Variants in CASZ1 observed in about 807,000 individuals in gnomAD.
The protein encoded by CASZ1 is zinc finger protein castor homolog 1.
CASZ1 carries 28 observed loss-of-function variants against 135.2 expected under a neutral mutation model. That is an observed-to-expected ratio of 0.21 (90% CI 0.15 to 0.28). The LOEUF (loss-of-function observed/expected upper bound fraction) is 0.28. Ranked by LOEUF, CASZ1 falls within the 10% of genes least tolerant of loss-of-function variation. CASZ1 has a pLI of 1.00. For synonymous variants in CASZ1, 1,068 were observed against 1,073.4 expected (o/e 0.99, Z 0.10); for missense variants, 2,161 against 2,453.3 (o/e 0.88, Z 2.52).
chr1:10,694,951 G>A lies in CASZ1; in HGVS notation c.-23-1039C>T, dbSNP rs1638896063. Among the ~76,000 whole-genome samples the A allele has an allele frequency of 7.0e-6, 1 of 143,254 alleles. No individual in the cohort carries two copies. 94.0% of individuals were successfully genotyped at this position (143,254 alleles called of 152,430 possible). On this transcript the variant is annotated intron_variant, in intron 3 of 20. Coordinates refer to ENST00000377022, the MANE Select transcript of CASZ1 (RefSeq NM_001079843.3). This position sits in a 1 kb window ranked among gnomAD's most constrained non-coding sequence, Gnocchi z 6.6. Reference sequence around the variant, plus strand: ...CCGCTCGGGCCCCGCGAGCGCGACCGACGGCCGCCGCGCGCGCCTGCCCCA... The same window carrying A: ...CCGCTCGGGCCCCGCGAGCGCGACCAACGGCCGCCGCGCGCGCCTGCCCCA...
rs1429390945 is a variant in CASZ1 at position 10,659,827 on chromosome 1, A to G, written c.1215T>C (p.Ser405=). ...GCCCTGGCCCGGGGGCGCTGGGGGC[A>G]CTGGGCACGCTGGCGAGGGGTGCGG... ...LAPAPLASVP[S]APSAPGPGPE... is the part of the protein sequence containing the mutation. Residue 405 remains serine (S), a synonymous_variant, in exon 6 of 21, where the codon AGT becomes AGC. Coordinates refer to ENST00000377022, the MANE Select transcript of CASZ1 (RefSeq NM_001079843.3). 1 of 1,612,750 alleles carries G rather than the reference A, an allele frequency of 6.2e-7. No individual in the cohort carries two copies. The highest frequency in any genetic ancestry group is 1.7e-5 in the Admixed American group (1 of 59,968).
rs1639921162 is a variant in CASZ1, at chr1:10,741,467, T to C, written c.-77+19234A>G. On this transcript the variant is annotated intron_variant, in intron 2 of 20. Transcript: ENST00000377022. This position sits in a 1 kb window ranked among gnomAD's most constrained non-coding sequence, Gnocchi z 5.0. The stretch of plus-strand genomic sequence containing the variant: ...GCTGAGGGTGCTCAGCGCACACAGC[T>C]CTCCAGTAAAGATGAGCATGGGCAG... Among the ~76,000 whole-genome samples the C allele has an allele frequency of 6.6e-6, 1 of 151,876 alleles. No individual in the cohort carries two copies. The highest frequency in any genetic ancestry group is 1.5e-5 in the Non-Finnish European group (1 of 67,966).
intron 1 of CASZ1, among the ~76,000 whole-genome samples, chr1:10,775,987 T>C (rs1342304664): frequency 1.3e-5 from 2 of 152,170 alleles, no homozygotes; most frequent in Non-Finnish European, 2.9e-5. Flanking sequence ...GGAACCTCTG[T>C]CAGGGCTCCC....
intron 1 of CASZ1, among the ~76,000 whole-genome samples, chr1:10,771,434 G>C (rs571548500): frequency 6.6e-6 from 1 of 151,770 alleles, no homozygotes; most frequent in Non-Finnish European, 1.5e-5. Flanking sequence ...TTGGTTTCGG[G>C]TACTTCTAGT....
In CASZ1 at chr1:10,638,884, G is replaced by T. The variant is rs1317313926; in HGVS notation, c.*58C>A. ...CTGCCCAGGGGCCGCTTCGCGCGGGGCGGCGCCGCTCCCGAGGCCGAGGCC... is the reference window on the plus strand; with the variant it reads ...CTGCCCAGGGGCCGCTTCGCGCGGGTCGGCGCCGCTCCCGAGGCCGAGGCC... On this transcript the variant is annotated 3_prime_UTR_variant, in exon 21 of 21. Coordinates refer to ENST00000377022, the MANE Select transcript of CASZ1 (RefSeq NM_001079843.3). The surrounding 1 kb of genome is among the most constrained non-coding windows in gnomAD (Gnocchi z 5.9). 8.2e-6 allele frequency: 8 copies of T among 981,526 alleles called. No individual in the cohort carries two copies. The highest frequency in any genetic ancestry group is 9.7e-6 in the Non-Finnish European group (8 of 828,642). 60.8% of individuals were successfully genotyped at this position (981,526 alleles called of 1,614,324 possible). A position where few individuals can be genotyped will look rare whatever the true frequency, so the allele number is the denominator to read the frequency against.
At chr1:10,648,318 C>T (rs997400280) in intron 15 of CASZ1, 179 bp from the exon 16 acceptor site, 10 of 529,818 alleles carry the variant, frequency 1.9e-5, no homozygotes, top group Admixed American at 7.3e-5. Flanking sequence ...CAAACTGCAG[C>T]GTCCCCTGGT....
intron 1 of CASZ1, among the ~76,000 whole-genome samples, chr1:10,790,518 A>G (rs945477488): frequency 6.6e-6 from 1 of 151,762 alleles, no homozygotes; most frequent in Admixed American, 6.6e-5. Context: ...CTCAATTACA[A>G]CTCCGCTGGA....
Position 10,674,905 on chromosome 1 carries a change from G to T in CASZ1, c.17-9334C>A, listed in dbSNP as rs150156927. Reference sequence around the variant, plus strand: ...GTGGGCAGCCCAAGAAGGTCCCCATGGGTCCCTGGGCCCTCTGTCGTGGCA... The same window carrying T: ...GTGGGCAGCCCAAGAAGGTCCCCATTGGTCCCTGGGCCCTCTGTCGTGGCA... On this transcript the variant is annotated intron_variant, in intron 4 of 20. Coordinates refer to ENST00000377022, the MANE Select transcript of CASZ1 (RefSeq NM_001079843.3). Among the ~76,000 whole-genome samples the T allele has an allele frequency of 5.6e-3, 860 of 152,328 alleles. 11 individuals are homozygous for T. Among genetic ancestry groups the T allele is most frequent in the African/African-American group, 0.019 (809 of 41,564 alleles).
rs1459790729 is a variant in CASZ1 at position 10,699,395 on chromosome 1, TA to T, written c.-23-5484del. On this transcript the variant is annotated intron_variant, in intron 3 of 20. Coordinates refer to ENST00000377022, the MANE Select transcript of CASZ1 (RefSeq NM_001079843.3). This position sits in a 1 kb window ranked among gnomAD's most constrained non-coding sequence, Gnocchi z 4.6. ...CCCCCACATCCCACTTACCCTGCTC[TA>T]AAAGGTGCTCTCAGAGTCAGTAGAG... Among the ~76,000 whole-genome samples the T allele has an allele frequency of 2.0e-5, 3 of 152,146 alleles. No homozygotes were observed. Among genetic ancestry groups the T allele is most frequent in the Non-Finnish European group, 2.9e-5 (2 of 68,014 alleles).
Position 10,700,080 on chromosome 1 carries a change from G to GACACACACACACACACACAC in CASZ1, c.-24+5392_-24+5411dup, listed in dbSNP as rs572824153. On this transcript the variant is annotated intron_variant, in intron 3 of 20. Transcript: ENST00000377022. The surrounding 1 kb of genome is among the most constrained non-coding windows in gnomAD (Gnocchi z 4.2). ...AGACAGAGAGAGAAAGAGAGATAGA[G>GACACACACACACACACACAC]ACACACACACACACACACACACACA... 0.051 allele frequency among the ~76,000 whole-genome samples: 6,768 copies of GACACACACACACACACACAC among 133,810 alleles called. 252 individuals carry two copies. The highest frequency in any genetic ancestry group is 0.055 in the South Asian group (215 of 3,906). The allele number at this position is 133,810 out of a possible 152,430, so 87.8% of individuals were successfully genotyped here. A position where few individuals can be genotyped will look rare whatever the true frequency, so the allele number is the denominator to read the frequency against.
In CASZ1 at chr1:10,639,374, C is replaced by T. The variant is rs2124662084; in HGVS notation, c.4848G>A (p.Leu1616=). Residue 1616 remains leucine (L), a synonymous_variant, in exon 21 of 21, where the codon CTG becomes CTA. Transcript: ENST00000377022. The surrounding 1 kb of genome is among the most constrained non-coding windows in gnomAD (Gnocchi z 4.0). ...CGGCGCCCAGCGACAGGGAGCCGTC[C>T]AGACTGATGGGAGGCCCGGGCGCGG... The part of the protein sequence containing the change: ...EGPAPGPPIS[L]DGSLSLGAEP... 1 of 1,540,700 alleles carries T rather than the reference C, an allele frequency of 6.5e-7. No homozygotes were observed. Among genetic ancestry groups the T allele is most frequent in the Non-Finnish European group, 8.7e-7 (1 of 1,144,508 alleles).
intron 7 of CASZ1, 128 bp from the exon 8 acceptor site, chr1:10,656,864 G>A (rs544503428): frequency 2.5e-5 from 16 of 651,606 alleles, no homozygotes; most frequent in Middle Eastern, 8.0e-4. Flanking sequence ...AAGTTGCAGA[G>A]GCCCAGGCAA....
At chr1:10,778,745 G>A (rs910387126) in intron 1 of CASZ1, among the ~76,000 whole-genome samples, 5 of 152,136 alleles carry the variant, frequency 3.3e-5, no homozygotes, top group African/African-American at 1.2e-4. Flanking sequence ...AAGTCCCCCT[G>A]GCAGAGAGCG....
chr1:10,762,713 T>A lies in CASZ1; in HGVS notation c.-233-1856A>T, dbSNP rs1640400647. ...GAGGCTGACATGCCCCTCTTCCAGCTTTGTAAAACAGACATGTACATTCCC... is the reference window on the plus strand; with the variant it reads ...GAGGCTGACATGCCCCTCTTCCAGCATTGTAAAACAGACATGTACATTCCC... On this transcript the variant is annotated intron_variant, in intron 1 of 20. Coordinates refer to ENST00000377022, the MANE Select transcript of CASZ1 (RefSeq NM_001079843.3). The surrounding 1 kb of genome is among the most constrained non-coding windows in gnomAD (Gnocchi z 4.1). 6.6e-6 allele frequency among the ~76,000 whole-genome samples: 1 copy of A among 152,156 alleles called. No homozygotes were observed. Among genetic ancestry groups the A allele is most frequent in the Non-Finnish European group, 1.5e-5 (1 of 68,038 alleles).
rs1374320576 is a variant in CASZ1, at chr1:10,712,794, T to C, written c.-76-7250A>G. Among the ~76,000 whole-genome samples the C allele has an allele frequency of 2.0e-5, 3 of 152,206 alleles. No individual in the cohort carries two copies. The East Asian group carries it at 5.8e-4, about 29-fold the overall frequency. The stretch of plus-strand genomic sequence containing the variant: ...CGGCACACACACAGCGCTTCTCCTG[T>C]GCGGATCCCAATACACACGGCCCAG... On this transcript the variant is annotated intron_variant, in intron 2 of 20. Transcript: ENST00000377022.
Position 10,755,634 on chromosome 1 carries a change from G to A in CASZ1, c.-77+5067C>T, listed in dbSNP as rs900706082. On this transcript the variant is annotated intron_variant, in intron 2 of 20. Coordinates refer to ENST00000377022, the MANE Select transcript of CASZ1 (RefSeq NM_001079843.3). The surrounding 1 kb of genome is among the most constrained non-coding windows in gnomAD (Gnocchi z 4.3). ...TGCGGGGTTTTCCTGCATCTGCTCC[G>A]AAGGCAGGGGGTGTGGGGAGAACGG... Among the ~76,000 whole-genome samples the A allele has an allele frequency of 2.2e-4, 33 of 152,136 alleles. No homozygotes were observed. The highest frequency in any genetic ancestry group is 7.2e-4 in the African/African-American group (30 of 41,440).
intron 1 of CASZ1, among the ~76,000 whole-genome samples, chr1:10,771,663 C>CTCCTCCTCCTCCTCCTCT (rs1321870078): frequency 1.3e-5 from 2 of 150,892 alleles, no homozygotes; most frequent in South Asian, 2.1e-4. Context: ...CTCTTTCCTC[C>CTCCTCCTCCTCCTCCTCT]TCCTCCTCCT....
At chr1:10,745,719 C>A (rs1429595654) in intron 2 of CASZ1, among the ~76,000 whole-genome samples, 1 of 152,206 alleles carries the variant, frequency 6.6e-6, no homozygotes, top group Non-Finnish European at 1.5e-5. Context: ...GCTCTGTCCC[C>A]TCTAAGCCAA....
Position 10,709,645 on chromosome 1 carries a change from A to T in CASZ1, c.-76-4101T>A, listed in dbSNP as rs1639246891. 6.6e-6 allele frequency among the ~76,000 whole-genome samples: 1 copy of T among 152,186 alleles called. No individual in the cohort carries two copies. The highest frequency in any genetic ancestry group is 2.1e-4 in the South Asian group (1 of 4,830). ...GGGGGAGAGAGAGAGAGGGAGAGAG[A>T]GAAAGAGAGGAGAAAAGAAAGCGAA... On this transcript the variant is annotated intron_variant, in intron 2 of 20. Coordinates refer to ENST00000377022, the MANE Select transcript of CASZ1 (RefSeq NM_001079843.3). The surrounding 1 kb of genome is among the most constrained non-coding windows in gnomAD (Gnocchi z 5.1).
Sources: gnomAD v4.1 joint callset for allele counts (sites outside exome capture counted in the v4.1 genomes callset) on GRCh38, gnomAD v4.1.1 for gene constraint, Gnocchi (gnomAD v3.1) non-coding constraint, MANE v1.5 for transcripts, NCBI Gene and HGNC (gene_info 2026-07-23, HGNC 2026-07-21) for gene names.